The following ZNF251 variants were observed in gnomAD, a reference collection of about 807,000 sequenced individuals.
The protein encoded by ZNF251 is zinc finger protein 251.
Under a neutral mutation model 13.5 loss-of-function variants are expected in ZNF251, and 14 were observed. The observed-to-expected ratio is 1.04, with a 90% confidence interval of 0.69 to 1.63. The LOEUF is 1.63. Among genes scored for constraint, ZNF251 ranks in the 40% most tolerant of loss-of-function variants. ZNF251 has a pLI of 0.00. For missense variants in ZNF251, 764 were observed against 834.9 expected (o/e 0.92, Z 1.05); for synonymous variants, 287 against 295.2 (o/e 0.97, Z 0.28).
At chr8:144,733,107 A>G (rs753060600) in intron 4 of ZNF251, among the ~76,000 whole-genome samples, 8 of 151,436 alleles carry the variant, frequency 5.3e-5, no homozygotes, top group Non-Finnish European at 8.8e-5. Context: ...CTGTAGTCCC[A>G]GGTACACGGG....
chr8:144,734,161 G>C lies in ZNF251; in HGVS notation c.278-10779C>G, dbSNP rs2129969473. ...GGACCTTCCCATGCCACACCTGCCT[G>C]GTGTTTTCCTTTGTCCCAGCGCTGA... On this transcript the variant is annotated intron_variant, in intron 4 of 4. Transcript: ENST00000292562. The surrounding 1 kb of genome is among the most constrained non-coding windows in gnomAD (Gnocchi z 4.4). Among the ~76,000 whole-genome samples, 1 of 152,292 alleles carries C rather than the reference G, an allele frequency of 6.6e-6. No homozygotes were observed. Among genetic ancestry groups the C allele is most frequent in the East Asian group, 1.9e-4 (1 of 5,174 alleles).
In ZNF251 at chr8:144,723,376, T is replaced by A. The variant is rs1237047528; in HGVS notation, c.284A>T (p.Glu95Val). ...AGATAGTTCCTTCTTGGTCCCAACCTCAGAATCTGTTAAAGAAAAATATAA... is the reference window on the plus strand; with the variant it reads ...AGATAGTTCCTTCTTGGTCCCAACCACAGAATCTGTTAAAGAAAAATATAA... ...DILKSCQKDS[E>V]VGTKKELSIL... is the part of the protein sequence containing the mutation. Residue 95 changes from glutamate (E) to valine (V), a missense_variant, in exon 5 of 5, where the codon GAG becomes GTG. By Grantham distance (121) the Glu-to-Val change is moderately radical. Coordinates refer to ENST00000292562, the MANE Select transcript of ZNF251 (RefSeq NM_138367.2). 1 of 1,471,082 alleles carries A rather than the reference T, an allele frequency of 6.8e-7. No homozygotes were observed. Among genetic ancestry groups the A allele is most frequent in the East Asian group, 2.3e-5 (1 of 43,162 alleles). The allele number at this position is 1,471,082 out of a possible 1,614,324, so 91.1% of individuals were successfully genotyped here.
intron 4 of ZNF251, among the ~76,000 whole-genome samples, chr8:144,727,445 A>G (rs1451294897): frequency 6.6e-6 from 1 of 152,180 alleles, no homozygotes; most frequent in African/African-American, 2.4e-5. Context: ...ACCTTCATCA[A>G]TCATCTTAGC....
At chr8:144,748,640 A>G (rs1824542527) in intron 4 of ZNF251, among the ~76,000 whole-genome samples, 1 of 152,074 alleles carries the variant, frequency 6.6e-6, no homozygotes, top group Non-Finnish European at 1.5e-5. Context: ...AGCTCACTAC[A>G]ACCTCAACTT....
At chr8:144,746,124 T>C (rs1824417277) in intron 4 of ZNF251, among the ~76,000 whole-genome samples, 3 of 152,232 alleles carry the variant, frequency 2.0e-5, no homozygotes, top group Non-Finnish European at 1.5e-5. Flanking sequence ...AAATGTAGAT[T>C]TTCTGTAGAT....
intron 4 of ZNF251, among the ~76,000 whole-genome samples, chr8:144,740,364 C>A (rs1279251644): frequency 6.6e-6 from 1 of 151,842 alleles, no homozygotes; most frequent in Non-Finnish European, 1.5e-5. Context: ...AGGCTGGGCG[C>A]AGTGGCTCAT....
chr8:144,732,598 G>T (rs552250234), intron 4 of ZNF251, among the ~76,000 whole-genome samples: 1 of 150,944 alleles, frequency 6.6e-6, no homozygotes, highest in African/African-American at 2.4e-5. Flanking sequence ...GAATCACGAG[G>T]TCAGGAGATG....
chr8:144,741,963 G>T (rs1824184447), intron 4 of ZNF251, among the ~76,000 whole-genome samples: 1 of 152,296 alleles, frequency 6.6e-6, no homozygotes, highest in Non-Finnish European at 1.5e-5. Flanking sequence ...CAAATTTGAT[G>T]AAAGACAGAA....
At position 144,736,065 on chromosome 8, in the gene ZNF251, C is replaced by T. The variant is rs1823880044; in HGVS notation, c.278-12683G>A. On this transcript the variant is annotated intron_variant, in intron 4 of 4. Transcript: ENST00000292562. The stretch of plus-strand genomic sequence containing the variant: ...AACCGGACCCTCATGGGCCCCCACG[C>T]TGGGCGGCTGTGCCCAACGCCCTCA... 7.2e-5 allele frequency among the ~76,000 whole-genome samples: 11 copies of T among 152,354 alleles called. No homozygotes were observed. In the South Asian group the frequency reaches 2.3e-3, roughly 32 times the overall value.
At position 144,732,786 on chromosome 8, in the gene ZNF251, T is replaced by TG. The variant is rs1313312882; in HGVS notation, c.278-9405dup. ...AAGATCGCACCACTGCACTCCAGCC[T>TG]GGGCGACAGAGCGAGACTCCGTCTC... is the stretch of plus-strand genomic sequence containing the variant. On this transcript the variant is annotated intron_variant, in intron 4 of 4. Transcript: ENST00000292562. Among the ~76,000 whole-genome samples, 3 of 134,372 alleles carry TG rather than the reference T, an allele frequency of 2.2e-5. No homozygotes were observed. In the Admixed American group the frequency reaches 2.6e-4, roughly 11 times the overall value. 88.2% of individuals were successfully genotyped at this position (134,372 alleles called of 152,430 possible). A position where few individuals can be genotyped will look rare whatever the true frequency, so the allele number is the denominator to read the frequency against.
Position 144,722,124 on chromosome 8 carries a change from G to T in ZNF251, c.1536C>A (p.Ser512Arg). Residue 512 changes from serine to arginine, a missense_variant, in exon 5 of 5, where the codon AGC (serine) becomes AGA (arginine). Transcript: ENST00000292562. This position sits in a 1 kb window ranked among gnomAD's most constrained non-coding sequence, Gnocchi z 4.8. Reference sequence around the variant, plus strand: ...GTTTTCTGCACTTACGAGTCTCTCCGCTGTGAACTTTCTGATGCTGAATGA... The same window carrying T: ...GTTTTCTGCACTTACGAGTCTCTCCTCTGTGAACTTTCTGATGCTGAATGA... ...STLIQHQKVH[S>R]GETRKCRKHG... 6.2e-7 allele frequency: 1 copy of T among 1,613,988 alleles called. No individual in the cohort carries two copies. The highest frequency in any genetic ancestry group is 1.1e-5 in the South Asian group (1 of 91,068).
intron 4 of ZNF251, among the ~76,000 whole-genome samples, chr8:144,727,042 G>A (rs1823539760): frequency 6.6e-6 from 1 of 152,184 alleles, no homozygotes; most frequent in Admixed American, 6.5e-5. Flanking sequence ...ACAGAGGGAC[G>A]CCCTGTCTCT....
chr8:144,750,654 A>C (rs190071764), intron 4 of ZNF251, among the ~76,000 whole-genome samples: 1 of 152,090 alleles, frequency 6.6e-6, no homozygotes, highest in Non-Finnish European at 1.5e-5. Context: ...CTGGAGGTAA[A>C]GCTCACAAAA....
At chr8:144,746,432 T>C (rs1180157701) in intron 4 of ZNF251, among the ~76,000 whole-genome samples, 2 of 152,236 alleles carry the variant, frequency 1.3e-5, no homozygotes, top group Non-Finnish European at 2.9e-5. Flanking sequence ...TCATAAGAGG[T>C]GTCTGTCTGT....
chr8:144,730,166 T>C (rs1823652229), intron 4 of ZNF251: 11 of 964,642 alleles, frequency 1.1e-5, no homozygotes, highest in Non-Finnish European at 1.4e-5. Flanking sequence ...AGAGCCATGT[T>C]TTATCCACCG....
At chr8:144,725,771 G>A (rs899237454) in intron 4 of ZNF251, among the ~76,000 whole-genome samples, 4 of 152,134 alleles carry the variant, frequency 2.6e-5, no homozygotes, top group African/African-American at 7.2e-5. Flanking sequence ...ACAACAGTAC[G>A]AGAAAACAAA....
chr8:144,742,154 G>A (rs1586698650), intron 4 of ZNF251, among the ~76,000 whole-genome samples: 2 of 151,882 alleles, frequency 1.3e-5, no homozygotes, highest in African/African-American at 4.8e-5. Context: ...ACTCCTCATC[G>A]AAAGTCAAGG....
intron 4 of ZNF251, 67 bp from the exon 5 acceptor site, chr8:144,723,449 G>T: frequency 8.2e-7 from 1 of 1,215,530 alleles, no homozygotes; most frequent in Non-Finnish European, 1.1e-6. Flanking sequence ...TCCATAATGT[G>T]GTAGAAGCTC....
intron 4 of ZNF251, among the ~76,000 whole-genome samples, chr8:144,728,135 T>C (rs1217002097): frequency 1.3e-5 from 2 of 152,164 alleles, no homozygotes; most frequent in Admixed American, 1.3e-4. Context: ...TGAACACTTA[T>C]AGGCCATTCC....
Sources: gnomAD v4.1 joint callset for allele counts (sites outside exome capture counted in the v4.1 genomes callset) on GRCh38, gnomAD v4.1.1 for gene constraint, Gnocchi (gnomAD v3.1) non-coding constraint, MANE v1.5 for transcripts, NCBI Gene and HGNC (gene_info 2026-07-23, HGNC 2026-07-21) for gene names.